FBXW11: variants seen among roughly 807,000 people sequenced by gnomAD.
The protein encoded by FBXW11 is F-box and WD repeat domain containing 11.
In FBXW11, 19 loss-of-function variants were observed where a neutral mutation model predicts 77.6. The ratio of observed to expected loss-of-function variants is 0.24; its 90% CI spans 0.17 to 0.36. FBXW11 has a LOEUF of 0.36. Among genes scored for constraint, FBXW11 ranks in the 10% least tolerant of loss-of-function variants. The pLI is 1.00. For missense variants in FBXW11, 334 were observed against 704.2 expected (o/e 0.47, Z 5.95); for synonymous variants, 235 against 249.4 (o/e 0.94, Z 0.54).
intron 1 of FBXW11, among the ~76,000 whole-genome samples, chr5:171,991,729 TATTACAGTA>T (rs1438157284): frequency 1.2e-4 from 18 of 152,224 alleles, no homozygotes; most frequent in African/African-American, 3.9e-4. Flanking sequence ...TTAAGCAAAC[TATTACAGTA>T]GAAGAGAAAG....
chr5:171,873,111 G>T, intron 9 of FBXW11, 121 bp from the exon 10 acceptor site: 1 of 813,890 alleles, frequency 1.2e-6, no homozygotes, highest in Non-Finnish European at 1.9e-6. Flanking sequence ...AAAATACGGT[G>T]TCCTCTAACT....
At chr5:171,943,200 A>C (rs1408601679) in intron 2 of FBXW11, among the ~76,000 whole-genome samples, 2 of 152,256 alleles carry the variant, frequency 1.3e-5, no homozygotes, top group African/African-American at 4.8e-5. Flanking sequence ...ATCTGTCTAC[A>C]ACAATTGGCA....
chr5:171,922,912 T>C (rs981539599), intron 2 of FBXW11, among the ~76,000 whole-genome samples: 3 of 151,948 alleles, frequency 2.0e-5, no homozygotes, highest in African/African-American at 7.3e-5. Flanking sequence ...TGTGCGTGTG[T>C]GTGTGTGTGC....
At chr5:171,934,126 C>T (rs1360786704) in intron 2 of FBXW11, among the ~76,000 whole-genome samples, 3 of 152,096 alleles carry the variant, frequency 2.0e-5, no homozygotes, top group Non-Finnish European at 4.4e-5. Context: ...AGTGCGTAAG[C>T]GCATACTGTT....
intron 1 of FBXW11, among the ~76,000 whole-genome samples, chr5:171,993,053 T>G (rs999383773): frequency 1.9e-4 from 29 of 151,738 alleles, no homozygotes; most frequent in Non-Finnish European, 1.6e-4. Context: ...AACAAATGCC[T>G]TAATCATAAA....
chr5:171,881,126 T>C (rs1197912008), intron 7 of FBXW11, among the ~76,000 whole-genome samples: 1 of 152,228 alleles, frequency 6.6e-6, no homozygotes, highest in Non-Finnish European at 1.5e-5. Flanking sequence ...AGGAGGTTTT[T>C]TTTGTTGATG....
chr5:171,894,688 C>CT lies in FBXW11; in HGVS notation c.715-3085dup, dbSNP rs142463470. 3.4e-3 allele frequency among the ~76,000 whole-genome samples: 448 copies of CT among 130,188 alleles called. 2 individuals carry two copies. Among genetic ancestry groups the CT allele is most frequent in the African/African-American group, 9.9e-3 (358 of 36,310 alleles). 85.4% of individuals were successfully genotyped at this position (130,188 alleles called of 152,430 possible). A position where few individuals can be genotyped will look rare whatever the true frequency, so the allele number is the denominator to read the frequency against. On this transcript the variant is annotated intron_variant, in intron 6 of 13. Transcript: ENST00000517395. ...TTACTTGAATGCTTATAACCCAGGT[C>CT]TTTTTTTTTTTTTTTTTTTCTAGAA... is the stretch of plus-strand genomic sequence containing the variant.
At chr5:171,998,329 T>C (rs116173053) in intron 1 of FBXW11, among the ~76,000 whole-genome samples, 2,982 of 146,288 alleles carry the variant, frequency 0.02, 46 homozygotes, top group Middle Eastern at 0.048. Context: ...TGATATTTTT[T>C]TCTTGTCTTT....
chr5:171,902,059 C>T (rs949350947), intron 4 of FBXW11, among the ~76,000 whole-genome samples: 1 of 152,172 alleles, frequency 6.6e-6, no homozygotes, highest in Non-Finnish European at 1.5e-5. Context: ...CATCAATATG[C>T]CCAGGGCACC....
chr5:171,918,900 C>G (rs960012171), intron 2 of FBXW11, among the ~76,000 whole-genome samples: 8 of 152,262 alleles, frequency 5.3e-5, no homozygotes, highest in Admixed American at 5.2e-4. Context: ...ATCACTCTCT[C>G]CACTTGAAAA....
intron 1 of FBXW11, among the ~76,000 whole-genome samples, chr5:172,002,872 T>C (rs28695842): frequency 2.0e-5 from 3 of 151,756 alleles, no homozygotes; most frequent in Non-Finnish European, 4.4e-5. Context: ...CTAATTTTTT[T>C]ATTTTTTGTA....
rs184310744 is a variant in FBXW11 at position 172,005,275 on chromosome 5, G to A, written c.45+1183C>T. On this transcript the variant is annotated intron_variant, in intron 1 of 13. Transcript: ENST00000517395. ...TTCCACCTCTCCTCTCAACCCTGGG[G>A]AAGAAGTTGTTACCGTGTTAGGAAA... is the stretch of plus-strand genomic sequence containing the variant. Among the ~76,000 whole-genome samples, 11 of 152,280 alleles carry A rather than the reference G, an allele frequency of 7.2e-5. No homozygotes were observed. In the East Asian group the frequency reaches 1.9e-3, roughly 27 times the overall value.
At chr5:171,865,716 G>A (rs1373442314) in intron 13 of FBXW11, among the ~76,000 whole-genome samples, 2 of 150,942 alleles carry the variant, frequency 1.3e-5, no homozygotes, top group African/African-American at 4.9e-5. Flanking sequence ...TTGTCTTGTA[G>A]TAAGAAAAAA....
intron 9 of FBXW11, among the ~76,000 whole-genome samples, chr5:171,873,374 C>T (rs1250034167): frequency 3.3e-5 from 5 of 152,164 alleles, no homozygotes; most frequent in Non-Finnish European, 5.9e-5. Flanking sequence ...CAGCTGGGTA[C>T]GGTAGCTCAC....
chr5:171,861,886 T>C lies in FBXW11; in HGVS notation c.*2241A>G, dbSNP rs140793343. The C allele has an allele frequency of 1.0e-4, 16 of 152,754 alleles. No individual in the cohort carries two copies. The highest frequency in any genetic ancestry group is 2.2e-4 in the Non-Finnish European group (15 of 68,032). 9.5% of individuals were successfully genotyped at this position (152,754 alleles called of 1,614,324 possible). A position where few individuals can be genotyped will look rare whatever the true frequency, so the allele number is the denominator to read the frequency against. On this transcript the variant is annotated 3_prime_UTR_variant, in exon 14 of 14. Transcript: ENST00000517395. ...ACATTAATATAGCAGTAATTTACAT[T>C]TGCTCAGTTATGGTTAGCAAAATAA...
chr5:171,915,200 T>C (rs839292), intron 2 of FBXW11, among the ~76,000 whole-genome samples: 131,291 of 152,220 alleles, frequency 0.86, 57,869 homozygotes, highest in East Asian at 1. Flanking sequence ...AACTCATTTA[T>C]GGATAGCAGT....
At chr5:171,925,533 T>C (rs755188037) in intron 2 of FBXW11, among the ~76,000 whole-genome samples, 6 of 152,246 alleles carry the variant, frequency 3.9e-5, no homozygotes, top group South Asian at 2.1e-4. Context: ...CAGGCTATAG[T>C]GCAGTGGCAT....
intron 7 of FBXW11, among the ~76,000 whole-genome samples, chr5:171,888,982 G>A (rs1759109774): frequency 6.6e-6 from 1 of 152,132 alleles, no homozygotes; most frequent in Non-Finnish European, 1.5e-5. Flanking sequence ...CCAGAAAAGG[G>A]AGGAACAAAG....
At chr5:172,005,259 T>C (rs1197639611) in intron 1 of FBXW11, among the ~76,000 whole-genome samples, 1 of 152,204 alleles carries the variant, frequency 6.6e-6, no homozygotes, top group Non-Finnish European at 1.5e-5. Flanking sequence ...CTTCCACCTC[T>C]CCTCTCAACC....
Sources: gnomAD v4.1 joint callset for allele counts (sites outside exome capture counted in the v4.1 genomes callset) on GRCh38, gnomAD v4.1.1 for gene constraint, MANE v1.5 for transcripts, NCBI Gene and HGNC (gene_info 2026-07-23, HGNC 2026-07-21) for gene names.